The following TRIM49 variants were observed in gnomAD, a reference collection of about 807,000 sequenced individuals.
TRIM49 encodes the protein tripartite motif-containing protein 49.
In TRIM49, 5 loss-of-function variants were observed where a neutral mutation model predicts 27.4. The observed-to-expected ratio is 0.18, with a 90% CI of 0.10 to 0.38. The LOEUF is 0.38. Among genes scored for constraint, TRIM49 ranks in the 10% least tolerant of loss-of-function variants. The pLI is 1.00. For missense variants in TRIM49, 188 were observed against 487.5 expected (o/e 0.39, Z 5.79); for synonymous variants, 69 against 166.0 (o/e 0.42, Z 4.49).
the TRIM49 span, among the ~76,000 whole-genome samples, chr11:89,770,496 G>C: frequency 7.0e-6 from 1 of 141,910 alleles, no homozygotes; most frequent in Non-Finnish European, 1.5e-5. Flanking sequence ...ACGCACCTTC[G>C]TTTCTAGCCT....
downstream of TRIM49, among the ~76,000 whole-genome samples, chr11:89,795,736 A>G (rs1415919696): frequency 4.3e-3 from 455 of 106,806 alleles, no homozygotes; most frequent in African/African-American, 0.015. Context: ...GGGGCCTGTT[A>G]TGGGGTGGGG....
rs554510900 is a variant in TRIM49 at position 89,803,981 on chromosome 11, A to G, written c.411+78T>C. On this transcript the variant is annotated intron_variant, in intron 3 of 7. Transcript: ENST00000329758. ...CTTAAAGGGACTCAGAGTTGGCTTTATCCAATCTCCAAGAAAATAGACCCA... is the reference window on the plus strand; with the variant it reads ...CTTAAAGGGACTCAGAGTTGGCTTTGTCCAATCTCCAAGAAAATAGACCCA... 76 of 1,611,616 alleles carry G rather than the reference A, an allele frequency of 4.7e-5. 1 individual carries two copies. In the East Asian group the frequency reaches 8.5e-4, roughly 18 times the overall value.
downstream of TRIM49, among the ~76,000 whole-genome samples, chr11:89,792,782 A>G (rs1333283429): frequency 6.6e-6 from 1 of 152,136 alleles, no homozygotes; most frequent in African/African-American, 2.4e-5. Flanking sequence ...AATGCCCACA[A>G]GAGAAAGCAG....
the TRIM49 span, among the ~76,000 whole-genome samples, chr11:89,774,189 A>T: frequency 6.6e-6 from 1 of 150,532 alleles, no homozygotes; most frequent in Non-Finnish European, 1.5e-5. Flanking sequence ...TTTAGTACAG[A>T]TGGAGTTTCA....
the TRIM49 span, among the ~76,000 whole-genome samples, chr11:89,777,674 T>A: frequency 6.6e-6 from 1 of 150,822 alleles, no homozygotes; most frequent in East Asian, 2.0e-4. Context: ...CAAAGTCAGG[T>A]TATGTAAAAG....
downstream of TRIM49, among the ~76,000 whole-genome samples, chr11:89,797,197 T>C (rs1307732565): frequency 1.3e-5 from 2 of 151,296 alleles, no homozygotes; most frequent in Non-Finnish European, 3.0e-5. Context: ...TCTGTTCAGA[T>C]ATTTTAGCCA....
At chr11:89,800,693 A>C (rs1332140463) in intron 6 of TRIM49, among the ~76,000 whole-genome samples, 1 of 150,442 alleles carries the variant, frequency 6.6e-6, no homozygotes, top group Non-Finnish European at 1.5e-5. Flanking sequence ...CAGTGAGCCG[A>C]GATGGCGCCA....
the TRIM49 span, among the ~76,000 whole-genome samples, chr11:89,767,638 A>T: frequency 8.0e-6 from 1 of 124,574 alleles, no homozygotes; most frequent in Non-Finnish European, 1.5e-5. Flanking sequence ...ATTTATCATG[A>T]TCTATCCTGG....
chr11:89,785,921 G>C, the TRIM49 span: 1 of 142,004 alleles, frequency 7.0e-6, no homozygotes, highest in African/African-American at 2.9e-5. Context: ...GGACGGTGCC[G>C]CGATCCCCCG....
At chr11:89,785,734 AT>A in the TRIM49 span, among the ~76,000 whole-genome samples, 1 of 144,670 alleles carries the variant, frequency 6.9e-6, no homozygotes, top group Non-Finnish European at 1.5e-5. Context: ...AAATTATTTA[AT>A]TTTTAATCCC....
At chr11:89,776,768 A>G in the TRIM49 span, among the ~76,000 whole-genome samples, 1 of 151,884 alleles carries the variant, frequency 6.6e-6, no homozygotes, top group Non-Finnish European at 1.5e-5. Flanking sequence ...GTCCTGAACC[A>G]AATCTTCAAT....
chr11:89,807,313 G>T (rs1364867725), intron 1 of TRIM49, 29 bp from the exon 2 acceptor site: 1 of 151,350 alleles, frequency 6.6e-6, no homozygotes, highest in South Asian at 2.1e-4. Context: ...CCTCTTTATG[G>T]GTATTTAGAG....
At chr11:89,806,158 A>G (rs559794432) in intron 2 of TRIM49, among the ~76,000 whole-genome samples, 5 of 150,074 alleles carry the variant, frequency 3.3e-5, no homozygotes, top group Non-Finnish European at 5.9e-5. Context: ...TGTACTGCAT[A>G]CTGTAGGCAA....
At chr11:89,792,692 C>T (rs1196160033), downstream of TRIM49, among the ~76,000 whole-genome samples, 1 of 152,094 alleles carries the variant, frequency 6.6e-6, no homozygotes, top group Admixed American at 6.5e-5. Flanking sequence ...TTCTTTGAAA[C>T]CAACGAGAAC....
chr11:89,770,440 T>C, the TRIM49 span, among the ~76,000 whole-genome samples: 1 of 139,320 alleles, frequency 7.2e-6, no homozygotes, highest in Non-Finnish European at 1.5e-5. Flanking sequence ...AATGTAGTTA[T>C]CACTTCCTAA....
At chr11:89,794,539 G>C (rs1166792342), downstream of TRIM49, among the ~76,000 whole-genome samples, 6 of 151,120 alleles carry the variant, frequency 4.0e-5, no homozygotes, top group Non-Finnish European at 5.9e-5. Context: ...CCGAAACAGA[G>C]ACATAGACCA....
chr11:89,774,262 A>C, the TRIM49 span, among the ~76,000 whole-genome samples: 2 of 151,078 alleles, frequency 1.3e-5, no homozygotes, highest in Non-Finnish European at 2.9e-5. Context: ...GGCCTCCCAC[A>C]GTGCTGGGAT....
chr11:89,804,017 A>G (rs748133938), intron 3 of TRIM49, 42 bp downstream of exon 3: 4 of 1,611,344 alleles, frequency 2.5e-6, no homozygotes, highest in Non-Finnish European at 3.4e-6. Context: ...CAGGAATTTT[A>G]TGCTTCCTTT....
intron 3 of TRIM49, 54 bp downstream of exon 3, chr11:89,804,005 C>G (rs1949761904): frequency 6.2e-7 from 1 of 1,611,350 alleles, no homozygotes; most frequent in African/African-American, 1.3e-5. Flanking sequence ...AAAATAGACC[C>G]ACAGGAATTT....
Sources: allele counts gnomAD v4.1 joint callset (sites outside exome capture counted in the v4.1 genomes callset), GRCh38; gene constraint gnomAD v4.1.1; transcripts MANE v1.5; gene names NCBI Gene and HGNC (gene_info 2026-07-23, HGNC 2026-07-21).